Variants in PDE1C observed in about 807,000 individuals in gnomAD.
PDE1C encodes the protein dual specificity calcium/calmodulin-dependent 3',5'-cyclic nucleotide phosphodiesterase 1C.
Under a neutral mutation model 93.1 loss-of-function variants are expected in PDE1C, and 62 were observed. That is an observed-to-expected ratio of 0.67 (90% CI 0.54 to 0.82). The LOEUF is 0.82. Among genes scored for constraint, PDE1C ranks in the 40% least tolerant of loss-of-function variants. The probability of loss-of-function intolerance (pLI) is 0.00; values close to 1 mark genes in which losing one functional copy is unlikely to be tolerated. For missense variants in PDE1C, 742 were observed against 884.6 expected, an observed-to-expected ratio of 0.84 and a Z score of 2.04; for synonymous variants, 325 against 310.1, an observed-to-expected ratio of 1.05 and a Z score of -0.50.
At chr7:32,363,174 T>C (rs554859156) in intron 1 of PDE1C, among the ~76,000 whole-genome samples, 46 of 152,354 alleles carry the variant, frequency 3.0e-4, no homozygotes, top group African/African-American at 9.9e-4. Flanking sequence ...AAAGGGGGCA[T>C]ATTTATTATT....
At chr7:31,824,732 AGGC>A in intron 13 of PDE1C, 132 bp downstream of exon 13, 1 of 1,088,040 alleles carries the variant, frequency 9.2e-7, no homozygotes, top group South Asian at 1.5e-5. Context: ...AAAAGGAAAG[AGGC>A]AGACAAATTT....
chr7:32,309,310 G>C (rs981095370), intron 1 of PDE1C, among the ~76,000 whole-genome samples: 1 of 152,236 alleles, frequency 6.6e-6, no homozygotes, highest in African/African-American at 2.4e-5. Context: ...ATGGAACCAA[G>C]TTGGAAAACA....
At chr7:31,891,491 G>A (rs1270986627) in intron 2 of PDE1C, among the ~76,000 whole-genome samples, 3 of 152,056 alleles carry the variant, frequency 2.0e-5, no homozygotes, top group South Asian at 2.1e-4. Flanking sequence ...ACTAAGAAAC[G>A]TAATCATCCT....
At chr7:32,336,863 T>G (rs1783636135) in intron 1 of PDE1C, among the ~76,000 whole-genome samples, 1 of 152,192 alleles carries the variant, frequency 6.6e-6, no homozygotes, top group African/African-American at 2.4e-5. Context: ...CTAATGCAGT[T>G]CTTAGCTGAC....
the PDE1C span, among the ~76,000 whole-genome samples, chr7:31,659,976 G>C: frequency 6.6e-6 from 1 of 152,140 alleles, no homozygotes; most frequent in Non-Finnish European, 1.5e-5. Flanking sequence ...GGGTGCAGTT[G>C]TCCTCATGTT....
intron 1 of PDE1C, among the ~76,000 whole-genome samples, chr7:32,235,246 A>G (rs2128865221): frequency 6.6e-6 from 1 of 152,126 alleles, no homozygotes; most frequent in Non-Finnish European, 1.5e-5. Context: ...CCTATTCAAC[A>G]TCATATTGGA....
the PDE1C span, among the ~76,000 whole-genome samples, chr7:31,631,755 G>T: frequency 2.0e-5 from 3 of 152,190 alleles, no homozygotes; most frequent in Non-Finnish European, 4.4e-5. Flanking sequence ...AGTGCTAATG[G>T]AAGTAATTCA....
intron 16 of PDE1C, among the ~76,000 whole-genome samples, chr7:31,775,935 G>T (rs980214457): frequency 1.3e-5 from 2 of 152,158 alleles, no homozygotes; most frequent in Non-Finnish European, 2.9e-5. Flanking sequence ...GTGACAGTAC[G>T]CAGTTCCTCT....
At chr7:31,865,950 T>C (rs758658369) in intron 6 of PDE1C, among the ~76,000 whole-genome samples, 2 of 152,240 alleles carry the variant, frequency 1.3e-5, no homozygotes, top group Non-Finnish European at 2.9e-5. Context: ...CAGTCTTTAT[T>C]TGCAACTACC....
chr7:31,681,424 A>G, the PDE1C span, among the ~76,000 whole-genome samples: 1 of 151,658 alleles, frequency 6.6e-6, no homozygotes, highest in Non-Finnish European at 1.5e-5. Context: ...TGAATATGCT[A>G]TTATTTATCT....
intron 2 of PDE1C, among the ~76,000 whole-genome samples, chr7:32,179,396 G>C (rs1330305392): frequency 6.6e-6 from 1 of 151,776 alleles, no homozygotes; most frequent in Non-Finnish European, 1.5e-5. Context: ...GAGCAGCTGA[G>C]ACTACAGACG....
chr7:32,409,860 C>A (rs1785130021), intron 1 of PDE1C, among the ~76,000 whole-genome samples: 2 of 151,318 alleles, frequency 1.3e-5, no homozygotes, highest in Admixed American at 6.6e-5. Flanking sequence ...TGCATATTTG[C>A]ATATGTACAC....
intron 11 of PDE1C, among the ~76,000 whole-genome samples, chr7:31,835,538 G>A (rs1790966711): frequency 1.3e-5 from 2 of 151,878 alleles, no homozygotes; most frequent in African/African-American, 4.8e-5. Flanking sequence ...GTGTGTGTGT[G>A]TGTGTGTGTG....
chr7:32,332,542 C>A (rs977661272), intron 1 of PDE1C, among the ~76,000 whole-genome samples: 1 of 151,872 alleles, frequency 6.6e-6, no homozygotes, highest in African/African-American at 2.4e-5. Context: ...AGGTGTTTAT[C>A]CAACAGAAAT....
At chr7:32,316,799 G>A (rs1214737987) in intron 1 of PDE1C, among the ~76,000 whole-genome samples, 1 of 150,134 alleles carries the variant, frequency 6.7e-6, no homozygotes, top group African/African-American at 2.5e-5. Flanking sequence ...AGATGCTTTT[G>A]TCAGGCATTT....
intron 16 of PDE1C, among the ~76,000 whole-genome samples, chr7:31,802,100 A>T (rs1221285616): frequency 6.6e-6 from 1 of 151,392 alleles, no homozygotes; most frequent in Non-Finnish European, 1.5e-5. Context: ...TAATTCTGTG[A>T]TCTTCCTATT....
At chr7:32,199,988 C>T (rs1318464057) in intron 2 of PDE1C, among the ~76,000 whole-genome samples, 1 of 152,098 alleles carries the variant, frequency 6.6e-6, no homozygotes, top group Non-Finnish European at 1.5e-5. Flanking sequence ...ATATATGAAA[C>T]GCAAATGAAT....
At chr7:31,663,806 C>G in the PDE1C span, among the ~76,000 whole-genome samples, 1 of 152,168 alleles carries the variant, frequency 6.6e-6, no homozygotes, top group Admixed American at 6.6e-5. Flanking sequence ...TCTTTATATG[C>G]ATAATTTACA....
chr7:32,179,535 A>G (rs1803247338), intron 2 of PDE1C, among the ~76,000 whole-genome samples: 1 of 152,184 alleles, frequency 6.6e-6, no homozygotes, highest in Non-Finnish European at 1.5e-5. Context: ...CTGGCATTAC[A>G]GGCCTGACTT....
Sources: allele counts gnomAD v4.1 joint callset (sites outside exome capture counted in the v4.1 genomes callset), GRCh38; gene constraint gnomAD v4.1.1; transcripts MANE v1.5; gene names NCBI Gene and HGNC (gene_info 2026-07-23, HGNC 2026-07-21).